ERAP1: variants seen among roughly 807,000 people sequenced by gnomAD.
ERAP1 encodes endoplasmic reticulum aminopeptidase 1, also known as adipocyte-derived leucine aminopeptidase.
A neutral mutation model predicts 103.7 loss-of-function variants in ERAP1; 86 were observed. The ratio of observed to expected loss-of-function variants is 0.83; its 90% CI spans 0.70 to 0.99. The LOEUF (loss-of-function observed/expected upper bound fraction) is 0.99, where lower values mean the gene tolerates loss of function less well. Ranked by LOEUF, ERAP1 falls within the 50% of genes least tolerant of loss-of-function variation. The probability of loss-of-function intolerance (pLI) is 0.00; values close to 1 mark genes in which losing one functional copy is unlikely to be tolerated. For missense variants in ERAP1, 1,009 were observed against 1,128.4 expected, an observed-to-expected ratio of 0.89 and a Z score of 1.52; for synonymous variants, 398 against 402.4, an observed-to-expected ratio of 0.99 and a Z score of 0.13.
At chr5:96,909,615 C>G in the ERAP1 span, 1 of 1,614,002 alleles carries the variant, frequency 6.2e-7, no homozygotes, top group African/African-American at 1.3e-5. Context: ...CAGTGATTGA[C>G]AGGCAAAGCT....
intron 3 of ERAP1, among the ~76,000 whole-genome samples, chr5:96,800,002 GT>G (rs1235224654): frequency 6.6e-6 from 1 of 152,170 alleles, no homozygotes; most frequent in Non-Finnish European, 1.5e-5. Flanking sequence ...ATCTCTCCAT[GT>G]TATGATATTG....
At position 96,802,859 on chromosome 5, in the gene ERAP1, T is replaced by G. The variant is rs142494179; in HGVS notation, c.524+544A>C. Reference sequence around the variant, plus strand: ...GAGACTGGGACATAGGAAAATAGAATGGCCATGCGACTAACAGAGGGAGAA... The same window carrying G: ...GAGACTGGGACATAGGAAAATAGAAGGGCCATGCGACTAACAGAGGGAGAA... On this transcript the variant is annotated intron_variant, in intron 2 of 18. Coordinates refer to ENST00000443439, the MANE Select transcript of ERAP1 (RefSeq NM_001040458.3). Among the ~76,000 whole-genome samples, 2 of 152,046 alleles carry G rather than the reference T, an allele frequency of 1.3e-5. 1 individual carries two copies. The highest frequency in any genetic ancestry group is 2.9e-5 in the Non-Finnish European group (2 of 67,982).
intron 4 of ERAP1, 62 bp downstream of exon 4, chr5:96,797,113 T>G: frequency 6.2e-7 from 1 of 1,610,046 alleles, no homozygotes; most frequent in Admixed American, 1.7e-5. Context: ...CTTCCAGTTT[T>G]AAAACCAGTT....
chr5:96,877,554 A>G, the ERAP1 span, among the ~76,000 whole-genome samples: 1 of 152,248 alleles, frequency 6.6e-6, no homozygotes, highest in Admixed American at 6.5e-5. Flanking sequence ...GAATTATTTC[A>G]TTTAATCATC....
the ERAP1 span, chr5:96,935,826 C>G: frequency 2.9e-6 from 1 of 346,074 alleles, no homozygotes; most frequent in African/African-American, 2.2e-5. Context: ...ACACCGTTCC[C>G]GGCCGGGGAG....
chr5:96,844,204 T>C, the ERAP1 span, among the ~76,000 whole-genome samples: 1 of 152,258 alleles, frequency 6.6e-6, no homozygotes, highest in Non-Finnish European at 1.5e-5. Flanking sequence ...AATTCAGTGA[T>C]ATGATGACTT....
chr5:96,903,076 G>A, the ERAP1 span, among the ~76,000 whole-genome samples: 66 of 152,174 alleles, frequency 4.3e-4, no homozygotes, highest in African/African-American at 7.0e-4. Context: ...CCAAATTCCC[G>A]TCATGCTAGT....
At chr5:96,826,762 C>T in the ERAP1 span, among the ~76,000 whole-genome samples, 9,088 of 152,222 alleles carry the variant, frequency 0.06, 385 homozygotes, top group Middle Eastern at 0.14. Context: ...CTGCCTTGAA[C>T]GTTATGGTTT....
intron 18 of ERAP1, among the ~76,000 whole-genome samples, chr5:96,777,605 CTA>C (rs1248583072): frequency 6.6e-6 from 1 of 151,958 alleles, no homozygotes; most frequent in Admixed American, 6.6e-5. Context: ...ACTTCACTCT[CTA>C]CTTTAAGTTG....
chr5:96,808,336 G>C (rs1334748916), upstream of ERAP1: 1 of 503,400 alleles, frequency 2.0e-6, no homozygotes, highest in African/African-American at 2.2e-5. Flanking sequence ...ATGCAGGAAA[G>C]GGCCGGTGCT....
At chr5:96,808,038 G>A, upstream of ERAP1, 11 of 985,506 alleles carry the variant, frequency 1.1e-5, no homozygotes, top group Non-Finnish European at 1.3e-5. Flanking sequence ...CGGGAGCTGG[G>A]GAAAGGGTAA....
At chr5:96,831,027 T>G in the ERAP1 span, among the ~76,000 whole-genome samples, 1 of 152,226 alleles carries the variant, frequency 6.6e-6, no homozygotes, top group Non-Finnish European at 1.5e-5. Flanking sequence ...CTCACATTGC[T>G]ATAAAGGAAT....
the ERAP1 span, among the ~76,000 whole-genome samples, chr5:96,901,342 C>T: frequency 6.6e-6 from 1 of 152,166 alleles, no homozygotes; most frequent in African/African-American, 2.4e-5. Context: ...CCTGGGATAG[C>T]CATCCCTAAT....
rs1252970153 is a variant in ERAP1 at position 96,775,340 on chromosome 5, A to G, written c.*1056T>C. The G allele has an allele frequency of 2.8e-5, 27 of 959,234 alleles. No homozygotes were observed. The highest frequency in any genetic ancestry group is 3.3e-5 in the Non-Finnish European group (27 of 813,382). 59.4% of individuals were successfully genotyped at this position (959,234 alleles called of 1,614,324 possible). On this transcript the variant is annotated 3_prime_UTR_variant, in exon 19 of 19. Transcript: ENST00000443439. ...CAAATATTTTGTTTCACAATGTACTATCATTTATTGGTGACTGCAATAATT... is the reference window on the plus strand; with the variant it reads ...CAAATATTTTGTTTCACAATGTACTGTCATTTATTGGTGACTGCAATAATT...
Position 96,803,849 on chromosome 5 carries a change from C to T in ERAP1, c.78G>A (p.Val26=), listed in dbSNP as rs1418562633. ...TGCTCTGACACCATGAAGGAGTGGA[C>T]ACAGTTAAGAGAGCCAACAGTGAGG... ...LLSSLLALLT[V]STPSWCQSTE... The change falls in exon 2 of 19, where the codon GTG becomes GTA. Residue 26 remains valine, a synonymous_variant. Coordinates refer to ENST00000443439, the MANE Select transcript of ERAP1 (RefSeq NM_001040458.3). The T allele has an allele frequency of 1.2e-6, 2 of 1,614,002 alleles. No individual in the cohort carries two copies. The highest frequency in any genetic ancestry group is 1.7e-6 in the Non-Finnish European group (2 of 1,180,026).
the ERAP1 span, among the ~76,000 whole-genome samples, chr5:96,868,757 T>C: frequency 6.6e-6 from 1 of 152,298 alleles, no homozygotes; most frequent in East Asian, 1.9e-4. Flanking sequence ...TTCTAACAAA[T>C]GTTCAGTATG....
At chr5:96,763,756 T>G (rs1217457466) in intron 19 of ERAP1, among the ~76,000 whole-genome samples, 2 of 152,214 alleles carry the variant, frequency 1.3e-5, no homozygotes, top group African/African-American at 2.4e-5. Flanking sequence ...CAGTGTTACA[T>G]ACACTGAAAG....
chr5:96,782,978 G>A, intron 15 of ERAP1, 73 bp downstream of exon 15: 1 of 1,490,080 alleles, frequency 6.7e-7, no homozygotes, highest in East Asian at 2.3e-5. Context: ...TTTCCCTAAT[G>A]TTTAGTACCA....
chr5:96,786,696 C>T (rs1413196161), intron 11 of ERAP1, 147 bp from the exon 12 acceptor site: 1 of 633,238 alleles, frequency 1.6e-6, no homozygotes. Context: ...CATCCCCAGT[C>T]TGTTTTCCAG....
Sources: allele counts gnomAD v4.1 joint callset (sites outside exome capture counted in the v4.1 genomes callset), GRCh38; gene constraint gnomAD v4.1.1; transcripts MANE v1.5; gene names NCBI Gene and HGNC (gene_info 2026-07-23, HGNC 2026-07-21).